TBC1D32: variants seen among roughly 807,000 people sequenced by gnomAD.
TBC1D32 encodes the protein TBC1 domain family member 32, also known as protein broad-minded.
In TBC1D32, 151 loss-of-function variants were observed where a neutral mutation model predicts 170.3. The observed-to-expected ratio is 0.89, with a 90% CI of 0.78 to 1.01. TBC1D32 has a LOEUF of 1.01. Ranked by LOEUF, TBC1D32 falls within the 50% of genes least tolerant of loss-of-function variation. The pLI is 0.00. For synonymous variants in TBC1D32, 498 were observed against 488.0 expected (o/e 1.02, Z -0.27); for missense variants, 1,464 against 1,457.1 (o/e 1.00, Z -0.08).
At chr6:121,184,920 G>A (rs1235772023) in intron 22 of TBC1D32, among the ~76,000 whole-genome samples, 2 of 152,034 alleles carry the variant, frequency 1.3e-5, no homozygotes, top group Non-Finnish European at 2.9e-5. Flanking sequence ...GGATTATTTT[G>A]CCTCCTTTGC....
chr6:121,265,338 G>T (rs1464563826), intron 15 of TBC1D32, among the ~76,000 whole-genome samples: 1 of 152,110 alleles, frequency 6.6e-6, no homozygotes, highest in East Asian at 1.9e-4. Context: ...AAATACCTAG[G>T]AATACAGCTA....
intron 22 of TBC1D32, among the ~76,000 whole-genome samples, chr6:121,186,012 T>G (rs150331005): frequency 6.2e-4 from 94 of 152,232 alleles, no homozygotes; most frequent in African/African-American, 1.8e-3. Flanking sequence ...CTGTAATACA[T>G]GAGTCTATGA....
chr6:121,329,638 G>A (rs1046845981), intron 1 of TBC1D32, among the ~76,000 whole-genome samples: 3 of 151,796 alleles, frequency 2.0e-5, no homozygotes, highest in Non-Finnish European at 4.4e-5. Context: ...GGGGACAAGA[G>A]TGAGACATCG....
chr6:121,114,535 A>T (rs1426682438), intron 27 of TBC1D32, among the ~76,000 whole-genome samples: 1 of 152,154 alleles, frequency 6.6e-6, no homozygotes, highest in Non-Finnish European at 1.5e-5. Context: ...TCAAATTATT[A>T]AAAAAATCAC....
At chr6:121,296,314 G>C (rs1409140242) in intron 10 of TBC1D32, among the ~76,000 whole-genome samples, 1 of 151,912 alleles carries the variant, frequency 6.6e-6, no homozygotes, top group Admixed American at 6.6e-5. Flanking sequence ...TGAATCCTAC[G>C]AATCCTTCTA....
chr6:121,235,932 G>A (rs971580558), intron 20 of TBC1D32, among the ~76,000 whole-genome samples: 2 of 152,104 alleles, frequency 1.3e-5, no homozygotes, highest in Non-Finnish European at 2.9e-5. Context: ...GCACATAGTT[G>A]TATCTTCCTT....
chr6:121,157,295 TAA>T (rs764993294), intron 24 of TBC1D32, among the ~76,000 whole-genome samples: 22 of 152,270 alleles, frequency 1.4e-4, no homozygotes, highest in Admixed American at 2.6e-4. Context: ...TGTTGTTGGT[TAA>T]AAGTCTATTT....
At chr6:121,195,418 C>T (rs1229226980) in intron 22 of TBC1D32, among the ~76,000 whole-genome samples, 1 of 152,156 alleles carries the variant, frequency 6.6e-6, no homozygotes, top group Non-Finnish European at 1.5e-5. Context: ...TGGCATGTTA[C>T]TGGGCTTTGG....
chr6:121,220,683 T>C (rs1794408318), intron 21 of TBC1D32, among the ~76,000 whole-genome samples: 1 of 144,046 alleles, frequency 6.9e-6, no homozygotes, highest in African/African-American at 2.7e-5. Flanking sequence ...TTCTATCGCC[T>C]AGGCTGGAGT....
At chr6:121,258,386 C>CTAA (rs751345036) in intron 15 of TBC1D32, among the ~76,000 whole-genome samples, 7 of 151,900 alleles carry the variant, frequency 4.6e-5, no homozygotes, top group African/African-American at 9.7e-5. Context: ...TTTAAACTTA[C>CTAA]TAATCCCTTT....
intron 22 of TBC1D32, among the ~76,000 whole-genome samples, chr6:121,191,370 A>T (rs1790003339): frequency 6.6e-6 from 1 of 152,206 alleles, no homozygotes; most frequent in South Asian, 2.1e-4. Context: ...TACATACAGT[A>T]ACCACACCCT....
intron 17 of TBC1D32, among the ~76,000 whole-genome samples, chr6:121,245,228 G>T (rs1797445168): frequency 1.3e-5 from 2 of 152,210 alleles, no homozygotes; most frequent in South Asian, 4.1e-4. Flanking sequence ...ACATCTACCA[G>T]AGCAGGTGCT....
At chr6:121,285,197 TAAG>T (rs896023780) in intron 12 of TBC1D32, among the ~76,000 whole-genome samples, 4 of 152,156 alleles carry the variant, frequency 2.6e-5, no homozygotes, top group African/African-American at 7.2e-5. Context: ...AATGATTCAC[TAAG>T]AAGACTCAGA....
At chr6:121,172,914 G>A (rs1421277514) in intron 22 of TBC1D32, among the ~76,000 whole-genome samples, 1 of 152,080 alleles carries the variant, frequency 6.6e-6, no homozygotes, top group Non-Finnish European at 1.5e-5. Context: ...TAATCTTTTT[G>A]TTGCCTTTAT....
At chr6:121,329,498 A>G (rs142743304) in intron 1 of TBC1D32, among the ~76,000 whole-genome samples, 1,879 of 152,218 alleles carry the variant, frequency 0.012, 39 homozygotes, top group African/African-American at 0.043. Context: ...CTAAAAATAC[A>G]AAAATTAGCC....
rs1179162808 is a variant in TBC1D32 at position 121,205,162 on chromosome 6, T to C, written c.2483A>G (p.Asp828Gly). The C allele has an allele frequency of 7.1e-7, 1 of 1,410,804 alleles. No individual in the cohort carries two copies. Among genetic ancestry groups the C allele is most frequent in the Non-Finnish European group, 9.7e-7 (1 of 1,035,654 alleles). 87.4% of individuals were successfully genotyped at this position (1,410,804 alleles called of 1,614,324 possible). A position where few individuals can be genotyped will look rare whatever the true frequency, so the allele number is the denominator to read the frequency against. ...CAAAATTATAAGTCTATCAATAATA[T>C]CCTGAAAAAGACAGACAAAATGAGA... is the stretch of plus-strand genomic sequence containing the variant. ...SLREVPTCVIDIIDRLIILNS... is the reference protein window; with the variant it reads ...SLREVPTCVIGIIDRLIILNS... The change falls in exon 22 of 32, where the codon GAT becomes GGT. Residue 828 changes from aspartate to glycine, a missense_variant and splice_region_variant. This residue lies in a region of TBC1D32 where 1,363 missense variants were observed against 1,338.1 expected (regional missense o/e 1.02). Coordinates refer to ENST00000398212, the MANE Select transcript of TBC1D32 (RefSeq NM_152730.6).
Position 121,092,293 on chromosome 6 carries a change from GTTTTTTTTTTTTTTTTTTT to G in TBC1D32, c.3466-1271_3466-1253del, listed in dbSNP as rs1160372863. Among the ~76,000 whole-genome samples the G allele has an allele frequency of 7.9e-4, 40 of 50,404 alleles. 1 individual carries two copies. Among genetic ancestry groups the G allele is most frequent in the South Asian group, 2.0e-3 (2 of 988 alleles). 33.1% of individuals were successfully genotyped at this position (50,404 alleles called of 152,430 possible). A position where few individuals can be genotyped will look rare whatever the true frequency, so the allele number is the denominator to read the frequency against. ...AATATCTCTTCTCCTTCAGTTTTAT[GTTTTTTTTTTTTTTTTTTT>G]TTTTTTTTTTTGGAGATGTGGGGAG... is the stretch of plus-strand genomic sequence containing the variant. On this transcript the variant is annotated intron_variant, in intron 30 of 31. Coordinates refer to ENST00000398212, the MANE Select transcript of TBC1D32 (RefSeq NM_152730.6).
intron 2 of TBC1D32, among the ~76,000 whole-genome samples, chr6:121,319,156 C>T (rs17702405): frequency 0.014 from 2,075 of 151,278 alleles, 31 homozygotes; most frequent in South Asian, 0.049. Context: ...CCAGAAATTA[C>T]GAGAAAACAC....
At chr6:121,262,554 G>A (rs1799901143) in intron 15 of TBC1D32, among the ~76,000 whole-genome samples, 1 of 150,856 alleles carries the variant, frequency 6.6e-6, no homozygotes, top group Admixed American at 6.6e-5. Flanking sequence ...TCGACCCACT[G>A]CAACCTCCTC....
Sources: gnomAD v4.1 joint callset for allele counts (sites outside exome capture counted in the v4.1 genomes callset) on GRCh38, gnomAD v4.1.1 for gene constraint, gnomAD v4.1.1 regional missense constraint, MANE v1.5 for transcripts, NCBI Gene and HGNC (gene_info 2026-07-23, HGNC 2026-07-21) for gene names.